The following WDR27 variants were observed in gnomAD, a reference collection of about 807,000 sequenced individuals.
The protein encoded by WDR27 is WD repeat-containing protein 27.
WDR27 carries 100 observed loss-of-function variants against 114.4 expected under a neutral mutation model. The ratio of observed to expected loss-of-function variants is 0.87; its 90% CI spans 0.74 to 1.03. The LOEUF is 1.03. Among genes scored for constraint, WDR27 ranks in the 50% least tolerant of loss-of-function variants. WDR27 has a pLI of 0.00. For missense variants in WDR27, 1,129 were observed against 1,092.9 expected (o/e 1.03, Z -0.47); for synonymous variants, 449 against 423.1 (o/e 1.06, Z -0.75).
At chr6:169,555,945 TTACC>T (rs1798816308) in intron 25 of WDR27, among the ~76,000 whole-genome samples, 1 of 152,264 alleles carries the variant, frequency 6.6e-6, no homozygotes, top group Admixed American at 6.5e-5. Context: ...ACTCTTTACC[TTACC>T]TTTCTCCCCA....
chr6:169,567,707 C>A (rs1443159861), intron 25 of WDR27, among the ~76,000 whole-genome samples: 1 of 152,168 alleles, frequency 6.6e-6, no homozygotes, highest in Non-Finnish European at 1.5e-5. Flanking sequence ...AAGCTCTCTC[C>A]AACCCCTTCA....
chr6:169,667,498 A>G (rs1828178779), intron 5 of WDR27: 1 of 560,766 alleles, frequency 1.8e-6, no homozygotes, highest in Non-Finnish European at 2.3e-6. Flanking sequence ...AGAGGCACCA[A>G]GCGGAAACTG....
At chr6:169,652,111 A>G (rs1822752484) in intron 13 of WDR27, 103 bp from the exon 14 acceptor site, 1 of 979,128 alleles carries the variant, frequency 1.0e-6, no homozygotes, top group Non-Finnish European at 1.5e-6. Context: ...CATTCACACA[A>G]ACAGAATGAA....
intron 13 of WDR27, among the ~76,000 whole-genome samples, chr6:169,655,930 G>A (rs1023832966): frequency 3.3e-5 from 5 of 152,190 alleles, no homozygotes; most frequent in African/African-American, 9.7e-5. Context: ...CAGCGTGTTA[G>A]CCATGATGGT....
the WDR27 span, among the ~76,000 whole-genome samples, chr6:169,430,834 G>A: frequency 1.6e-4 from 24 of 152,220 alleles, no homozygotes; most frequent in African/African-American, 5.8e-4. Context: ...CCGGTGGGGA[G>A]GAAGTTGACT....
intron 25 of WDR27, among the ~76,000 whole-genome samples, chr6:169,538,383 C>T (rs1796432082): frequency 6.6e-6 from 1 of 152,092 alleles, no homozygotes. Flanking sequence ...GAGCGAAAAT[C>T]AATCTCTCTG....
intron 20 of WDR27, among the ~76,000 whole-genome samples, chr6:169,633,948 T>C (rs1376362875): frequency 6.6e-6 from 1 of 152,194 alleles, no homozygotes; most frequent in African/African-American, 2.4e-5. Context: ...CTTTATACAA[T>C]GAATTCCTAA....
the WDR27 span, chr6:169,426,961 T>C: frequency 2.6e-4 from 6 of 23,072 alleles, no homozygotes; most frequent in Admixed American, 1.6e-3. Flanking sequence ...AGTGCTGTGG[T>C]GGTGGGGGCA....
chr6:169,610,124 A>T (rs1469618039), intron 22 of WDR27, among the ~76,000 whole-genome samples: 1 of 152,212 alleles, frequency 6.6e-6, no homozygotes, highest in Non-Finnish European at 1.5e-5. Context: ...AAGCCATTCA[A>T]CAAGTCTCTA....
At position 169,659,183 on chromosome 6, in the gene WDR27, A is replaced by G. The variant is rs201212947; in HGVS notation, c.1222T>C (p.Phe408Leu). 205 of 1,610,138 alleles carry G rather than the reference A, an allele frequency of 1.3e-4. No individual in the cohort carries two copies. Among genetic ancestry groups the G allele is most frequent in the Middle Eastern group, 3.3e-4 (2 of 6,072 alleles). ...TCCAACACGGCAATCTTCCCGCCAA[A>G]GAGGGAGGCCAGCAAGCACAGCACC... ...QKVLCLLASL[F>L]GGKIAVLEIN... is the part of the protein sequence containing the mutation. The change falls in exon 12 of 26, where the codon TTT becomes CTT. Residue 408 changes from phenylalanine to leucine, a missense_variant. By Grantham distance (22) the Phe-to-Leu change is conservative (BLOSUM62 0). Transcript: ENST00000448612. The surrounding 1 kb of genome is among the most constrained non-coding windows in gnomAD (Gnocchi z 4.3).
chr6:169,570,848 T>C (rs1801295584), intron 25 of WDR27, among the ~76,000 whole-genome samples: 1 of 151,892 alleles, frequency 6.6e-6, no homozygotes, highest in Non-Finnish European at 1.5e-5. Flanking sequence ...AGAAAAAAGC[T>C]CTATTTAGGA....
intron 2 of WDR27, among the ~76,000 whole-genome samples, chr6:169,674,630 G>A (rs1478405454): frequency 2.6e-5 from 4 of 152,196 alleles, no homozygotes; most frequent in Non-Finnish European, 5.9e-5. Context: ...GGTCCACAAC[G>A]TTTGGGAGGA....
At chr6:169,504,492 G>T (rs1791752369) in intron 25 of WDR27, among the ~76,000 whole-genome samples, 2 of 152,068 alleles carry the variant, frequency 1.3e-5, no homozygotes, top group South Asian at 4.1e-4. Flanking sequence ...CACCATGATT[G>T]TGAGGCTCCC....
chr6:169,536,101 A>G (rs1190604445), intron 25 of WDR27, among the ~76,000 whole-genome samples: 1 of 152,230 alleles, frequency 6.6e-6, no homozygotes, highest in African/African-American at 2.4e-5. Context: ...CTGTGCCAAC[A>G]GAAAAAAATA....
intron 25 of WDR27, 32 bp from the exon 26 acceptor site, chr6:169,457,666 C>A: frequency 6.6e-7 from 1 of 1,519,842 alleles, no homozygotes; most frequent in Non-Finnish European, 8.9e-7. Flanking sequence ...CATGTAATTC[C>A]AATCGCCTTT....
At chr6:169,678,743 A>T (rs956824074) in intron 2 of WDR27, among the ~76,000 whole-genome samples, 1 of 152,222 alleles carries the variant, frequency 6.6e-6, no homozygotes, top group Non-Finnish European at 1.5e-5. Flanking sequence ...CTGGCATAAC[A>T]AGGAAGAAAA....
intron 25 of WDR27, among the ~76,000 whole-genome samples, chr6:169,476,914 GTTTGTC>G (rs1040947095): frequency 6.0e-5 from 9 of 150,682 alleles, no homozygotes; most frequent in Admixed American, 2.0e-4. Context: ...CATCACTCTT[GTTTGTC>G]TTTGTTATAC....
At chr6:169,503,515 C>A (rs953828469) in intron 25 of WDR27, among the ~76,000 whole-genome samples, 1 of 152,190 alleles carries the variant, frequency 6.6e-6, no homozygotes, top group Admixed American at 6.5e-5. Flanking sequence ...GATTCTCTTT[C>A]TAGGCTTCCA....
chr6:169,648,899 T>A (rs75349353), intron 15 of WDR27, among the ~76,000 whole-genome samples: 12,370 of 152,270 alleles, frequency 0.081, 692 homozygotes, highest in Non-Finnish European at 0.12. Context: ...TTTCACCCAA[T>A]CCACCTGCAT....
Sources: allele counts gnomAD v4.1 joint callset (sites outside exome capture counted in the v4.1 genomes callset), GRCh38; gene constraint gnomAD v4.1.1; non-coding constraint Gnocchi (gnomAD v3.1); transcripts MANE v1.5; gene names NCBI Gene and HGNC (gene_info 2026-07-23, HGNC 2026-07-21).